PREX1: variants seen among roughly 807,000 people sequenced by gnomAD.
PREX1 encodes phosphatidylinositol-3,4,5-trisphosphate dependent Rac exchange factor 1.
PREX1 carries 41 observed loss-of-function variants against 198.3 expected under a neutral mutation model. The ratio of observed to expected loss-of-function variants is 0.21; its 90% CI spans 0.16 to 0.27. The LOEUF (loss-of-function observed/expected upper bound fraction) is 0.27. PREX1 is among the 10% of genes least tolerant of loss of function. PREX1 has a pLI of 1.00. For synonymous variants in PREX1, 843 were observed against 887.2 expected (o/e 0.95, Z 0.89); for missense variants, 1,620 against 2,200.7 (o/e 0.74, Z 5.28).
intron 19 of PREX1, among the ~76,000 whole-genome samples, chr20:48,654,411 TG>T (rs1444753739): frequency 6.6e-6 from 1 of 152,238 alleles, no homozygotes; most frequent in Non-Finnish European, 1.5e-5. Flanking sequence ...GCTGACATTT[TG>T]GGCCAGATAA....
chr20:48,791,878 T>C (rs548168495), intron 1 of PREX1, among the ~76,000 whole-genome samples: 6 of 152,312 alleles, frequency 3.9e-5, no homozygotes, highest in Middle Eastern at 3.4e-3. Flanking sequence ...TTTCCTGCCA[T>C]TGGAAAATGT....
chr20:48,692,648 A>C (rs1192593513), intron 8 of PREX1, 24 bp downstream of exon 8: 2 of 1,586,176 alleles, frequency 1.3e-6, no homozygotes, highest in Non-Finnish European at 1.7e-6. Context: ...GGCAGGGCTC[A>C]GGCAAGGCTG....
At chr20:48,711,035 C>T (rs1221726787) in intron 5 of PREX1, among the ~76,000 whole-genome samples, 2 of 152,230 alleles carry the variant, frequency 1.3e-5, no homozygotes, top group East Asian at 3.9e-4. Context: ...CACCTTCTCA[C>T]CCTTTAAAGG....
chr20:48,761,041 C>T (rs1489064801), intron 1 of PREX1, among the ~76,000 whole-genome samples: 3 of 152,094 alleles, frequency 2.0e-5, no homozygotes, highest in Non-Finnish European at 2.9e-5. Flanking sequence ...GGTAAGAAAA[C>T]AGAGAAGGAT....
At chr20:48,709,376 C>G (rs1953561179) in intron 5 of PREX1, among the ~76,000 whole-genome samples, 1 of 152,194 alleles carries the variant, frequency 6.6e-6, no homozygotes, top group South Asian at 2.1e-4. Flanking sequence ...ACTCTTGCAT[C>G]GTAGTTACGA....
At chr20:48,642,573 A>C (rs1601037162) in intron 27 of PREX1, 84 bp from the exon 28 acceptor site, 2 of 1,246,476 alleles carry the variant, frequency 1.6e-6, no homozygotes, top group East Asian at 2.4e-5. Context: ...AGGGGGATAC[A>C]GCTACAGAAC....
intron 6 of PREX1, among the ~76,000 whole-genome samples, chr20:48,702,680 G>A (rs2089881658): frequency 6.6e-6 from 1 of 152,258 alleles, no homozygotes; most frequent in Admixed American, 6.5e-5. Context: ...GAGCTGGAGG[G>A]AACCTGGGTC....
At chr20:48,698,702 G>C (rs906844312) in intron 7 of PREX1, among the ~76,000 whole-genome samples, 2 of 152,180 alleles carry the variant, frequency 1.3e-5, no homozygotes, top group East Asian at 3.9e-4. Flanking sequence ...AGAACAGGGG[G>C]GAAAGGGCAA....
At chr20:48,652,443 A>T (rs2089506213) in intron 21 of PREX1, 143 bp downstream of exon 21, 2 of 1,225,754 alleles carry the variant, frequency 1.6e-6, no homozygotes, top group Admixed American at 2.5e-5. Context: ...CTGTCTCCAA[A>T]AAGGAAAAAA....
At chr20:48,809,665 G>C (rs1214148515) in intron 1 of PREX1, among the ~76,000 whole-genome samples, 1 of 152,210 alleles carries the variant, frequency 6.6e-6, no homozygotes, top group Non-Finnish European at 1.5e-5. Flanking sequence ...CGAGGCCAGG[G>C]GAGAGGCCAC....
the PREX1 span, among the ~76,000 whole-genome samples, chr20:48,850,486 G>A: frequency 6.6e-6 from 1 of 152,176 alleles, no homozygotes; most frequent in African/African-American, 2.4e-5. Context: ...GCCAGCTTCA[G>A]AGGGACAGGG....
At position 48,649,294 on chromosome 20, in the gene PREX1, G is replaced by A. The variant is rs200977108; in HGVS notation, c.3305+6C>T. On this transcript the variant is annotated splice_donor_region_variant and intron_variant, in intron 25 of 39. Coordinates refer to ENST00000371941, the MANE Select transcript of PREX1 (RefSeq NM_020820.4). ...CTCACGCCGGACACCCCCGGCCAGC[G>A]CTCACCTGTTGATCTGGGTGACATA... is the stretch of plus-strand genomic sequence containing the variant. 18 of 1,610,594 alleles carry A rather than the reference G, an allele frequency of 1.1e-5. No individual in the cohort carries two copies. Among genetic ancestry groups the A allele is most frequent in the African/African-American group, 5.3e-5 (4 of 74,988 alleles).
chr20:48,748,104 G>C (rs1311156646), intron 1 of PREX1, among the ~76,000 whole-genome samples: 1 of 152,108 alleles, frequency 6.6e-6, no homozygotes. Flanking sequence ...GTGCACCTAC[G>C]ACGCCAGGCC....
intron 1 of PREX1, among the ~76,000 whole-genome samples, chr20:48,751,450 C>A (rs1202290686): frequency 6.6e-6 from 1 of 152,178 alleles, no homozygotes; most frequent in African/African-American, 2.4e-5. Context: ...CTCGGGCCAC[C>A]CACTGAGGAA....
At chr20:48,854,188 G>C in the PREX1 span, among the ~76,000 whole-genome samples, 1 of 152,044 alleles carries the variant, frequency 6.6e-6, no homozygotes, top group Non-Finnish European at 1.5e-5. Context: ...TAGTGGTTGG[G>C]GGAGGGTAGT....
At chr20:48,703,188 G>T (rs575469783) in intron 6 of PREX1, among the ~76,000 whole-genome samples, 1 of 152,200 alleles carries the variant, frequency 6.6e-6, no homozygotes, top group Non-Finnish European at 1.5e-5. Flanking sequence ...TGTTAGGGCT[G>T]GTCTGCTCTG....
intron 16 of PREX1, 129 bp from the exon 17 acceptor site, chr20:48,658,357 G>T: frequency 1.1e-6 from 1 of 872,246 alleles, no homozygotes. Flanking sequence ...CCAGGTGGGC[G>T]AGACAGAGCA....
At chr20:48,705,229 C>T (rs953454606) in intron 6 of PREX1, among the ~76,000 whole-genome samples, 8 of 152,236 alleles carry the variant, frequency 5.3e-5, no homozygotes, top group African/African-American at 1.7e-4. Context: ...GTCTCATTCA[C>T]TCACTTGCAA....
chr20:48,804,825 A>G (rs1235614687), intron 1 of PREX1, among the ~76,000 whole-genome samples: 1 of 152,114 alleles, frequency 6.6e-6, no homozygotes, highest in African/African-American at 2.4e-5. Flanking sequence ...GGGATGTAAG[A>G]GGAAGAGTGG....
Sources: gnomAD v4.1 joint callset for allele counts (sites outside exome capture counted in the v4.1 genomes callset) on GRCh38, gnomAD v4.1.1 for gene constraint, MANE v1.5 for transcripts, NCBI Gene and HGNC (gene_info 2026-07-23, HGNC 2026-07-21) for gene names.